The following COL4A6 variants were observed in gnomAD, a reference collection of about 807,000 sequenced individuals.
COL4A6 encodes the protein collagen alpha-6(IV) chain.
A neutral mutation model predicts 126.7 loss-of-function variants in COL4A6; 59 were observed. That is an observed-to-expected ratio of 0.47 (90% CI 0.38 to 0.58). The LOEUF (loss-of-function observed/expected upper bound fraction) is 0.58. COL4A6 is among the 20% of genes least tolerant of loss of function. The pLI is 0.00. For synonymous variants in COL4A6, 547 were observed against 496.6 expected, an observed-to-expected ratio of 1.10 and a Z score of -1.35; for missense variants, 1,285 against 1,337.3, an observed-to-expected ratio of 0.96 and a Z score of 0.61.
intron 3 of COL4A6, chrX:108,269,292 G>C (rs2037390613): frequency 7.8e-6 from 2 of 256,778 alleles, no homozygotes; most frequent in Non-Finnish European, 1.5e-5. Context: ...CAGATCAGCT[G>C]GAAACCTAGA....
intron 15 of COL4A6, 65 bp from the exon 16 acceptor site, chrX:108,194,652 G>T: frequency 4.7e-6 from 5 of 1,063,567 alleles, no homozygotes; most frequent in Non-Finnish European, 6.5e-6. Flanking sequence ...CTGGTCTTTG[G>T]ATTAAGCCAG....
intron 2 of COL4A6, among the ~76,000 whole-genome samples, chrX:108,377,297 T>C (rs200270527): frequency 5.4e-5 from 6 of 111,961 alleles, no homozygotes; most frequent in Non-Finnish European, 1.1e-4. Context: ...GAATATACAA[T>C]TGGGCTTTAC....
At chrX:108,217,552 T>C (rs974068965) in intron 5 of COL4A6, among the ~76,000 whole-genome samples, 1 of 111,250 alleles carries the variant, frequency 9.0e-6, no homozygotes, top group African/African-American at 3.3e-5. Context: ...CTCTGCTTTC[T>C]AGGAGCTGGA....
At chrX:108,195,149 T>G in intron 14 of COL4A6, 23 bp from the exon 15 acceptor site, 1 of 1,167,444 alleles carries the variant, frequency 8.6e-7, no homozygotes, top group Non-Finnish European at 1.2e-6. Context: ...TAGTTACACC[T>G]TAGAAACAGC....
intron 2 of COL4A6, among the ~76,000 whole-genome samples, chrX:108,325,329 A>G (rs754049361): frequency 1.8e-5 from 2 of 112,085 alleles, no homozygotes; most frequent in African/African-American, 3.2e-5. Context: ...TGCAAAACTA[A>G]TTTTTAAAAG....
intron 14 of COL4A6, among the ~76,000 whole-genome samples, chrX:108,195,392 C>T (rs1269765403): frequency 5.4e-5 from 6 of 111,163 alleles, no homozygotes; most frequent in Admixed American, 9.5e-5. Flanking sequence ...CTGCCTCAGC[C>T]CCCCAAGTAG....
chrX:108,301,282 A>G (rs1162271095), intron 3 of COL4A6, among the ~76,000 whole-genome samples: 1 of 112,452 alleles, frequency 8.9e-6, no homozygotes. Flanking sequence ...CTCCTCACAG[A>G]ACTTGTAATC....
At chrX:108,167,685 G>A (rs754377405) in intron 37 of COL4A6, among the ~76,000 whole-genome samples, 60 of 111,226 alleles carry the variant, frequency 5.4e-4, no homozygotes, top group Non-Finnish European at 7.0e-4. Flanking sequence ...ACTGACTCCC[G>A]TTGTCAAATC....
intron 2 of COL4A6, among the ~76,000 whole-genome samples, chrX:108,352,195 C>T (rs2039862266): frequency 8.9e-6 from 1 of 112,234 alleles, no homozygotes; most frequent in South Asian, 3.7e-4. Context: ...ATTTTATTTC[C>T]TCTATCTCCA....
chrX:108,395,868 C>T (rs1250598680), intron 2 of COL4A6, among the ~76,000 whole-genome samples: 2 of 111,444 alleles, frequency 1.8e-5, no homozygotes, highest in African/African-American at 6.5e-5. Flanking sequence ...AGTTTTATGA[C>T]GAATCAGAAC....
intron 41 of COL4A6, 47 bp from the exon 42 acceptor site, chrX:108,161,782 C>T (rs1431195514): frequency 4.6e-6 from 4 of 873,636 alleles, no homozygotes; most frequent in South Asian, 2.1e-5. Context: ...TAGAGGGTCC[C>T]CAGGCACCTT....
Position 108,178,802 on chromosome X carries a change from C to T in COL4A6, c.2397G>A (p.Arg799=). 8.3e-7 allele frequency: 1 copy of T among 1,211,407 alleles called. No individual in the cohort carries two copies. The highest frequency in any genetic ancestry group is 1.1e-6 in the Non-Finnish European group (1 of 895,373). The change falls in exon 27 of 45, where the codon CGG becomes CGA. Residue 799 remains arginine, a synonymous_variant. Coordinates refer to ENST00000334504, the MANE Select transcript of COL4A6 (RefSeq NM_033641.4). ...KPGLLGPKGE[R]GSPGTPGQVG... The stretch of plus-strand genomic sequence containing the variant: ...CCTGTCCTGGTGTCCCAGGGCTGCC[C>T]CGCTCACCTTTGGGGCCTAGTAAGC...
At chrX:108,232,822 A>T (rs2036342348) in intron 3 of COL4A6, among the ~76,000 whole-genome samples, 1 of 111,851 alleles carries the variant, frequency 8.9e-6, no homozygotes, top group Non-Finnish European at 1.9e-5. Context: ...AAGGAGCTAT[A>T]GTTTCATTCC....
At position 108,157,333 on chromosome X, in the gene COL4A6, A is replaced by G. The variant is rs748815803; in HGVS notation, c.4813-73T>C. 25 of 1,150,096 alleles carry G rather than the reference A, an allele frequency of 2.2e-5. No individual in the cohort carries two copies. In the African/African-American group the frequency reaches 3.4e-4, roughly 16 times the overall value. The allele number at this position is 1,150,096 out of a possible 1,213,427, so 94.8% of individuals were successfully genotyped here. A position where few individuals can be genotyped will look rare whatever the true frequency, so the allele number is the denominator to read the frequency against. On this transcript the variant is annotated intron_variant, in intron 44 of 44. Coordinates refer to ENST00000334504, the MANE Select transcript of COL4A6 (RefSeq NM_033641.4). The stretch of plus-strand genomic sequence containing the variant: ...GGTGTGGGGAGGGGATGGGTGCTCC[A>G]CTGCTACAGGGGCACATGAGCTCCA...
chrX:108,347,019 T>C (rs777867437), intron 2 of COL4A6, among the ~76,000 whole-genome samples: 1 of 112,545 alleles, frequency 8.9e-6, no homozygotes, highest in African/African-American at 3.2e-5. Context: ...ATGGTTATCA[T>C]ATACTTTACA....
Position 108,430,265 on chromosome X carries a change from A to AGATGT in COL4A6, c.63+7672_63+7676dup, listed in dbSNP as rs759091279. ...AGGGACTGCATATCCAGGGGCAAAG[A>AGATGT]GATGTGAAAGAATATAAAGTGGTTT... On this transcript the variant is annotated intron_variant, in intron 2 of 44. Coordinates refer to ENST00000334504, the MANE Select transcript of COL4A6 (RefSeq NM_033641.4). 2.7e-5 allele frequency among the ~76,000 whole-genome samples: 3 copies of AGATGT among 111,955 alleles called. No individual in the cohort carries two copies. In the East Asian group the frequency reaches 8.4e-4, roughly 31 times the overall value.
At chrX:108,172,343 G>A in intron 32 of COL4A6, 126 bp downstream of exon 32, 1 of 393,827 alleles carries the variant, frequency 2.5e-6, no homozygotes, top group Non-Finnish European at 3.8e-6. Context: ...CTAGGTGACA[G>A]AGCGAGACTC....
chrX:108,272,744 C>T (rs1404943413), intron 3 of COL4A6, among the ~76,000 whole-genome samples: 2 of 107,991 alleles, frequency 1.9e-5, no homozygotes, highest in Non-Finnish European at 3.8e-5. Context: ...AACTTTAATT[C>T]GAGATAGCAC....
intron 2 of COL4A6, among the ~76,000 whole-genome samples, chrX:108,314,945 G>T (rs1464047224): frequency 9.0e-6 from 1 of 111,530 alleles, no homozygotes. Context: ...AGCATTTTTT[G>T]CAACATTCTG....
Sources: allele counts gnomAD v4.1 joint callset (sites outside exome capture counted in the v4.1 genomes callset), GRCh38; gene constraint gnomAD v4.1.1; transcripts MANE v1.5; gene names NCBI Gene and HGNC (gene_info 2026-07-23, HGNC 2026-07-21).